ACOT11: variants seen among roughly 807,000 people sequenced by gnomAD.
The protein encoded by ACOT11 is acyl-coenzyme A thioesterase 11.
A neutral mutation model predicts 77.5 loss-of-function variants in ACOT11; 69 were observed. That is an observed-to-expected ratio of 0.89 (90% CI 0.73 to 1.09). The LOEUF is 1.09. ACOT11 is among the 50% of genes least tolerant of loss of function. ACOT11 has a pLI of 0.00. For missense variants in ACOT11, 766 were observed against 813.7 expected, an observed-to-expected ratio of 0.94 and a Z score of 0.71; for synonymous variants, 279 against 313.0, an observed-to-expected ratio of 0.89 and a Z score of 1.15.
At chr1:54,620,542 C>T (rs920229809) in intron 15 of ACOT11, among the ~76,000 whole-genome samples, 1 of 151,218 alleles carries the variant, frequency 6.6e-6, no homozygotes. Flanking sequence ...CATGTCTCTA[C>T]TACACATACA....
intron 15 of ACOT11, among the ~76,000 whole-genome samples, chr1:54,619,093 G>A (rs1167490848): frequency 1.3e-5 from 2 of 152,186 alleles, no homozygotes; most frequent in Non-Finnish European, 2.9e-5. Flanking sequence ...GTTTGCTTGA[G>A]CAGTGATTCT....
At chr1:54,630,803 T>A (rs1245107139) in exon 16 of ACOT11, 2 of 770,300 alleles carry the variant, frequency 2.6e-6, no homozygotes, top group East Asian at 2.4e-5. Flanking sequence ...GGGGCTCGAA[T>A]CCAGGTCAAA....
chr1:54,566,202 A>G (rs946606868), intron 1 of ACOT11, among the ~76,000 whole-genome samples: 1 of 152,176 alleles, frequency 6.6e-6, no homozygotes, highest in African/African-American at 2.4e-5. Context: ...CACACCTGTA[A>G]TCCCAGCATT....
intron 3 of ACOT11, among the ~76,000 whole-genome samples, chr1:54,587,941 G>T (rs528414399): frequency 3.3e-5 from 5 of 151,986 alleles, no homozygotes; most frequent in Admixed American, 3.3e-4. Context: ...AAGGCCGGGC[G>T]CAGTGGCTTG....
At chr1:54,563,404 G>T (rs1653622247) in intron 1 of ACOT11, among the ~76,000 whole-genome samples, 1 of 152,236 alleles carries the variant, frequency 6.6e-6, no homozygotes. Context: ...TATAACCCAA[G>T]CCTCAGTTCC....
intron 3 of ACOT11, among the ~76,000 whole-genome samples, chr1:54,591,770 C>G (rs1557659211): frequency 6.6e-6 from 1 of 152,188 alleles, no homozygotes; most frequent in African/African-American, 2.4e-5. Context: ...GGGGCTGGTG[C>G]AGTCAACAGA....
At chr1:54,630,611 G>T in intron 15 of ACOT11, 1 of 520,920 alleles carries the variant, frequency 1.9e-6, no homozygotes, top group Non-Finnish European at 3.5e-6. Context: ...CTAATGACTG[G>T]TTTGCTGTTA....
In ACOT11 at chr1:54,550,641, C is replaced by G. The variant is rs551317409; in HGVS notation, c.33+2299C>G. 2.1e-4 allele frequency among the ~76,000 whole-genome samples: 32 copies of G among 151,782 alleles called. No homozygotes were observed. In the East Asian group the frequency reaches 4.8e-3, roughly 23 times the overall value. ...CTAGCTAGGCCAACATGGTGAAACC[C>G]CATCTCTACCAAAAATACGAAAAAA... On this transcript the variant is annotated intron_variant, in intron 1 of 15. Coordinates refer to ENST00000343744, the MANE Select transcript of ACOT11 (RefSeq NM_147161.4).
At chr1:54,597,459 C>T (rs1384718794) in intron 7 of ACOT11, 44 bp downstream of exon 7, 4 of 1,549,736 alleles carry the variant, frequency 2.6e-6, no homozygotes, top group Non-Finnish European at 2.6e-6. Context: ...CCTTTCTCCT[C>T]CTCCTCCCCT....
intron 11 of ACOT11, 63 bp from the exon 12 acceptor site, chr1:54,604,283 C>T (rs1439014830): frequency 5.9e-6 from 9 of 1,514,004 alleles, no homozygotes; most frequent in Non-Finnish European, 8.2e-6. Flanking sequence ...ACACCCTTGG[C>T]CTTGGCTCAG....
chr1:54,622,269 C>A (rs148688530), intron 15 of ACOT11, among the ~76,000 whole-genome samples: 1,527 of 95,852 alleles, frequency 0.016, 10 homozygotes, highest in Admixed American at 0.048. Context: ...GAGTGAGACT[C>A]TGTCTCAAAA....
In ACOT11 at chr1:54,607,727, G is replaced by A. The variant is rs1644045662; in HGVS notation, c.1503-215G>A. On this transcript the variant is annotated intron_variant, in intron 14 of 15. Coordinates refer to ENST00000343744, the MANE Select transcript of ACOT11 (RefSeq NM_147161.4). This position sits in a 1 kb window ranked among gnomAD's most constrained non-coding sequence, Gnocchi z 4.5. ...GAAAGTCCACAGTGAAGTCAGGTTG[G>A]CTCCTGGTGAATTCAGTGCTAACCC... Among the ~76,000 whole-genome samples, 1 of 152,108 alleles carries A rather than the reference G, an allele frequency of 6.6e-6. No homozygotes were observed. The highest frequency in any genetic ancestry group is 1.5e-5 in the Non-Finnish European group (1 of 68,014).
chr1:54,579,412 C>A (rs529854944), intron 1 of ACOT11, among the ~76,000 whole-genome samples: 1 of 152,130 alleles, frequency 6.6e-6, no homozygotes, highest in South Asian at 2.1e-4. Flanking sequence ...TGCCTCAGAG[C>A]CTTTTTTGGG....
chr1:54,607,210 A>T lies in ACOT11; in HGVS notation c.1447A>T (p.Thr483Ser). The T allele has an allele frequency of 6.2e-7, 1 of 1,614,208 alleles. No homozygotes were observed. The highest frequency in any genetic ancestry group is 8.5e-7 in the Non-Finnish European group (1 of 1,180,024). ...CACCAGCCCTGCCCTCGGAGGTCAC[A>T]CAAAGCCCCAGGACTTCGTGATCCT... is the stretch of plus-strand genomic sequence containing the variant. Reference protein sequence around the residue: ...HVTSPALGGHTKPQDFVILAS... With the variant: ...HVTSPALGGHSKPQDFVILAS... The change falls in exon 14 of 16, where the codon ACA (threonine) becomes TCA (serine). Residue 483 changes from threonine (T) to serine (S), a missense_variant. Transcript: ENST00000343744. This position sits in a 1 kb window ranked among gnomAD's most constrained non-coding sequence, Gnocchi z 4.5.
At chr1:54,597,537 G>A in intron 7 of ACOT11, 122 bp downstream of exon 7, 3 of 1,246,958 alleles carry the variant, frequency 2.4e-6, no homozygotes, top group South Asian at 1.6e-5. Flanking sequence ...AAGCTTGGCT[G>A]TTCTGAATCA....
chr1:54,569,813 G>A (rs1653873321), intron 1 of ACOT11, among the ~76,000 whole-genome samples: 1 of 152,178 alleles, frequency 6.6e-6, no homozygotes, highest in South Asian at 2.1e-4. Context: ...TTGATAGAAT[G>A]AGTCTTTTTC....
intron 3 of ACOT11, among the ~76,000 whole-genome samples, chr1:54,586,283 T>C (rs751960725): frequency 5.8e-5 from 8 of 138,174 alleles, no homozygotes; most frequent in Non-Finnish European, 1.1e-4. Context: ...GACATTCTCT[T>C]TGGGTCCTTG....
Position 54,610,138 on chromosome 1 carries a change from A to G in ACOT11, c.*1026A>G. On this transcript the variant is annotated 3_prime_UTR_variant, in exon 16 of 16. Coordinates refer to ENST00000343744, the MANE Select transcript of ACOT11 (RefSeq NM_147161.4). ...CTGGTGCATGAGAAACTCTTGTTTC[A>G]GCTCTTGGCCTTTACCCATGACTCA... is the stretch of plus-strand genomic sequence containing the variant. The G allele has an allele frequency of 7.0e-7, 1 of 1,433,346 alleles. No homozygotes were observed. The highest frequency in any genetic ancestry group is 9.1e-7 in the Non-Finnish European group (1 of 1,099,376). 88.8% of individuals were successfully genotyped at this position (1,433,346 alleles called of 1,614,324 possible). A position where few individuals can be genotyped will look rare whatever the true frequency, so the allele number is the denominator to read the frequency against.
At position 54,630,649 on chromosome 1, in the gene ACOT11, G is replaced by A. The variant is rs147968398; in HGVS notation, c.1630-85G>A. ...AAATACGTGGATAAATCTCTGTTCC[G>A]GGCTCTCAGCTCTGAAGGCTGTGAG... On this transcript the variant is annotated intron_variant, in intron 15 of 16. Transcript: ENST00000371316. The A allele has an allele frequency of 2.1e-3, 1,143 of 538,610 alleles. 18 individuals carry two copies. In the East Asian group the frequency reaches 0.033, roughly 16 times the overall value. 33.4% of individuals were successfully genotyped at this position (538,610 alleles called of 1,614,324 possible). A position where few individuals can be genotyped will look rare whatever the true frequency, so the allele number is the denominator to read the frequency against.
Sources: gnomAD v4.1 joint callset for allele counts (sites outside exome capture counted in the v4.1 genomes callset) on GRCh38, gnomAD v4.1.1 for gene constraint, Gnocchi (gnomAD v3.1) non-coding constraint, MANE v1.5 for transcripts, NCBI Gene and HGNC (gene_info 2026-07-23, HGNC 2026-07-21) for gene names.